The following ZNF385D variants were observed in gnomAD, a reference collection of about 807,000 sequenced individuals.
ZNF385D encodes the protein zinc finger protein 659.
A neutral mutation model predicts 35.8 loss-of-function variants in ZNF385D; 15 were observed. The ratio of observed to expected loss-of-function variants is 0.42; its 90% CI spans 0.28 to 0.64. ZNF385D has a LOEUF of 0.64. Ranked by LOEUF, ZNF385D falls within the 30% of genes least tolerant of loss-of-function variation. The pLI is 0.23. For missense variants in ZNF385D, 474 were observed against 494.6 expected (o/e 0.96, Z 0.39); for synonymous variants, 212 against 186.8 (o/e 1.13, Z -1.10).
intron 1 of ZNF385D, among the ~76,000 whole-genome samples, chr3:21,713,493 G>A (rs1189770499): frequency 6.6e-6 from 1 of 151,996 alleles, no homozygotes; most frequent in African/African-American, 2.4e-5. Context: ...TCTCCAGGCT[G>A]GTCTCCTTCC....
chr3:21,536,755 A>G (rs2062044008), intron 3 of ZNF385D, among the ~76,000 whole-genome samples: 2 of 152,044 alleles, frequency 1.3e-5, no homozygotes, highest in South Asian at 4.2e-4. Flanking sequence ...TAGGAGAAAA[A>G]CCATCAGGTA....
chr3:21,648,856 A>ATAATGAGAT (rs1442750622), intron 2 of ZNF385D, among the ~76,000 whole-genome samples: 1 of 152,212 alleles, frequency 6.6e-6, no homozygotes, highest in Non-Finnish European at 1.5e-5. Flanking sequence ...TAGTCCACAT[A>ATAATGAGAT]TAACCTGAGA....
chr3:22,089,395 G>A (rs1398792692), intron 3 of ZNF385D, among the ~76,000 whole-genome samples: 3 of 152,180 alleles, frequency 2.0e-5, no homozygotes. Context: ...TTTGTCAGTA[G>A]AGGGCACTAA....
intron 2 of ZNF385D, among the ~76,000 whole-genome samples, chr3:22,371,725 A>G (rs1055998685): frequency 1.3e-5 from 2 of 152,180 alleles, no homozygotes; most frequent in African/African-American, 2.4e-5. Context: ...TTGCTCCTCC[A>G]GGTACTCAAT....
chr3:22,253,079 A>C (rs149316134), intron 2 of ZNF385D, among the ~76,000 whole-genome samples: 30 of 152,212 alleles, frequency 2.0e-4, no homozygotes, highest in Non-Finnish European at 3.2e-4. Flanking sequence ...ATGACAAAGG[A>C]GAAGGTGTTT....
intron 2 of ZNF385D, among the ~76,000 whole-genome samples, chr3:21,621,554 C>CGTGTGTGTGTGTGT (rs58332425): frequency 0.033 from 4,565 of 136,920 alleles, 136 homozygotes; most frequent in East Asian, 0.062. Flanking sequence ...AAAAAATTCC[C>CGTGTGTGTGTGTGT]GTGTGTGTGT....
intron 1 of ZNF385D, among the ~76,000 whole-genome samples, chr3:21,684,403 T>TCTCC (rs1559516801): frequency 2.8e-5 from 2 of 70,806 alleles, no homozygotes; most frequent in Non-Finnish European, 2.4e-5. Context: ...TCTCTCTCTC[T>TCTCC]CCTCTCTCTC....
rs1162271257 is a variant in ZNF385D at position 21,997,866 on chromosome 3, C to CGTGTGTGTGTGTGT, written c.325+170950_325+170951insACACACACACACAC. 1.0e-4 allele frequency among the ~76,000 whole-genome samples: 10 copies of CGTGTGTGTGTGTGT among 97,852 alleles called. No individual in the cohort carries two copies. The South Asian group carries it at 3.4e-3, about 33-fold the overall frequency. The allele number at this position is 97,852 out of a possible 152,430, so 64.2% of individuals were successfully genotyped here. On this transcript the variant is annotated intron_variant, in intron 3 of 5. Transcript: ENST00000494108. ...TTGATGTTGCTATTTGGCGCGCGCG[C>CGTGTGTGTGTGTGT]GCGCGCGTGTGTGTGTGTGTGTGTG... is the stretch of plus-strand genomic sequence containing the variant.
chr3:22,017,094 G>C (rs1228393727), intron 3 of ZNF385D, among the ~76,000 whole-genome samples: 1 of 151,910 alleles, frequency 6.6e-6, no homozygotes, highest in African/African-American at 2.4e-5. Flanking sequence ...TTAGACACCA[G>C]TGTATCTGCC....
At chr3:21,479,637 A>G (rs965609748) in intron 4 of ZNF385D, among the ~76,000 whole-genome samples, 1 of 152,194 alleles carries the variant, frequency 6.6e-6, no homozygotes, top group African/African-American at 2.4e-5. Context: ...CAGGCTGCTG[A>G]TGGCTACCTA....
chr3:21,550,019 G>A (rs1214163667), intron 3 of ZNF385D, among the ~76,000 whole-genome samples: 1 of 152,144 alleles, frequency 6.6e-6, no homozygotes, highest in East Asian at 1.9e-4. Context: ...ATTTGAGAGA[G>A]CTGAATCCTA....
At chr3:21,930,136 C>G (rs1048819532) in intron 3 of ZNF385D, among the ~76,000 whole-genome samples, 4 of 151,952 alleles carry the variant, frequency 2.6e-5, no homozygotes, top group Non-Finnish European at 5.9e-5. Context: ...CAAAAATAAA[C>G]CCATACTTTA....
chr3:21,556,475 A>T (rs2062746589), intron 3 of ZNF385D, among the ~76,000 whole-genome samples: 1 of 152,216 alleles, frequency 6.6e-6, no homozygotes, highest in Non-Finnish European at 1.5e-5. Context: ...TTTATTAAAT[A>T]GGGAAGCCTT....
intron 3 of ZNF385D, among the ~76,000 whole-genome samples, chr3:22,153,431 T>A (rs1280431473): frequency 6.6e-6 from 1 of 151,728 alleles, no homozygotes; most frequent in Non-Finnish European, 1.5e-5. Context: ...ACCCCGTGCC[T>A]GTTTTAATTC....
At chr3:22,099,769 T>C (rs904433521) in intron 3 of ZNF385D, among the ~76,000 whole-genome samples, 1 of 151,902 alleles carries the variant, frequency 6.6e-6, no homozygotes. Context: ...TACATCCTGA[T>C]TGGGGTCTTT....
At chr3:22,107,324 G>A (rs1033527666) in intron 3 of ZNF385D, among the ~76,000 whole-genome samples, 4 of 151,734 alleles carry the variant, frequency 2.6e-5, no homozygotes, top group African/African-American at 7.3e-5. Flanking sequence ...CACCAAGCCT[G>A]GAATATTAGT....
At chr3:21,619,417 T>C (rs201626634) in intron 2 of ZNF385D, among the ~76,000 whole-genome samples, 2 of 95,544 alleles carry the variant, frequency 2.1e-5, no homozygotes, top group Non-Finnish European at 4.1e-5. Flanking sequence ...TGTGTGCGTG[T>C]GTGTGTGTGT....
chr3:21,906,969 G>A, intron 3 of ZNF385D, among the ~76,000 whole-genome samples: 1 of 152,112 alleles, frequency 6.6e-6, no homozygotes, highest in Non-Finnish European at 1.5e-5. Flanking sequence ...AGCTAGCAGT[G>A]CAGTCAGACT....
At chr3:21,967,529 G>C (rs1022790982) in intron 3 of ZNF385D, among the ~76,000 whole-genome samples, 47 of 152,286 alleles carry the variant, frequency 3.1e-4, no homozygotes, top group African/African-American at 1.1e-3. Context: ...GTCCTAAAGG[G>C]CCAGTTCCTG....
Sources: allele counts gnomAD v4.1 joint callset (sites outside exome capture counted in the v4.1 genomes callset), GRCh38; gene constraint gnomAD v4.1.1; transcripts MANE v1.5; gene names NCBI Gene and HGNC (gene_info 2026-07-23, HGNC 2026-07-21).